Variants in GUCY1A2 observed in about 807,000 individuals in gnomAD.
The protein encoded by GUCY1A2 is guanylate cyclase soluble subunit alpha-2.
Under a neutral mutation model 63.5 loss-of-function variants are expected in GUCY1A2, and 27 were observed. That is an observed-to-expected ratio of 0.43 (90% CI 0.31 to 0.59). The LOEUF (loss-of-function observed/expected upper bound fraction) is 0.59, where lower values mean the gene tolerates loss of function less well. GUCY1A2 is among the 20% of genes least tolerant of loss of function. The pLI is 0.11. For missense variants in GUCY1A2, 768 were observed against 913.3 expected (o/e 0.84, Z 2.05); for synonymous variants, 364 against 343.5 (o/e 1.06, Z -0.66).
intron 4 of GUCY1A2, among the ~76,000 whole-genome samples, chr11:106,918,926 T>G (rs915781206): frequency 6.6e-6 from 1 of 152,174 alleles, no homozygotes; most frequent in African/African-American, 2.4e-5. Flanking sequence ...AATCTGATAT[T>G]TAACCTAAAT....
At chr11:106,745,981 A>G (rs1321082664) in intron 6 of GUCY1A2, among the ~76,000 whole-genome samples, 3 of 152,210 alleles carry the variant, frequency 2.0e-5, no homozygotes, top group Admixed American at 6.5e-5. Flanking sequence ...AGTATCTATT[A>G]TAGAAACAAA....
chr11:106,824,734 TA>T (rs1194928967), intron 4 of GUCY1A2: 1 of 1,432,664 alleles, frequency 7.0e-7, no homozygotes, highest in Non-Finnish European at 9.2e-7. Context: ...TTGAAATATT[TA>T]ATCTCATGAG....
intron 4 of GUCY1A2, among the ~76,000 whole-genome samples, chr11:106,867,353 T>C (rs977046255): frequency 6.6e-6 from 1 of 152,086 alleles, no homozygotes; most frequent in Non-Finnish European, 1.5e-5. Flanking sequence ...GTCTAGGAGA[T>C]AGACATACGT....
intron 6 of GUCY1A2, among the ~76,000 whole-genome samples, chr11:106,755,187 G>T (rs1043592749): frequency 6.6e-6 from 1 of 152,068 alleles, no homozygotes; most frequent in African/African-American, 2.4e-5. Context: ...TGTGGGATCG[G>T]TGGTGATATC....
intron 4 of GUCY1A2, among the ~76,000 whole-genome samples, chr11:106,824,529 A>C (rs578261541): frequency 3.3e-5 from 5 of 152,082 alleles, no homozygotes; most frequent in Non-Finnish European, 5.9e-5. Context: ...CACTGTTTTA[A>C]ACCAAATACT....
intron 4 of GUCY1A2, among the ~76,000 whole-genome samples, chr11:106,832,932 T>A (rs1859070367): frequency 6.6e-6 from 1 of 152,080 alleles, no homozygotes; most frequent in African/African-American, 2.4e-5. Context: ...TCTATATTAG[T>A]TTGCTAGGGC....
chr11:106,930,857 C>A (rs996679443), intron 4 of GUCY1A2, among the ~76,000 whole-genome samples: 1 of 152,180 alleles, frequency 6.6e-6, no homozygotes, highest in African/African-American at 2.4e-5. Flanking sequence ...AGGCGGATCA[C>A]GAGGTCAAGA....
chr11:106,710,317 A>G (rs1449905422), intron 6 of GUCY1A2, among the ~76,000 whole-genome samples: 312 of 16,058 alleles, frequency 0.019, 30 homozygotes, highest in Non-Finnish European at 0.022. Context: ...ATACATGTAT[A>G]TAATATAGTT....
chr11:106,746,598 G>C, intron 6 of GUCY1A2: 2 of 1,596,844 alleles, frequency 1.3e-6, no homozygotes, highest in Admixed American at 3.3e-5. Flanking sequence ...TCTGGAACCA[G>C]CTGGATGGAA....
intron 4 of GUCY1A2, among the ~76,000 whole-genome samples, chr11:106,935,849 C>CA (rs113637459): frequency 5.9e-4 from 63 of 107,328 alleles, no homozygotes; most frequent in East Asian, 7.5e-4. Flanking sequence ...ACTCCATCTC[C>CA]AAAAAAAAAA....
At chr11:106,946,408 C>T (rs538095714) in intron 3 of GUCY1A2, among the ~76,000 whole-genome samples, 71 of 152,070 alleles carry the variant, frequency 4.7e-4, no homozygotes, top group Non-Finnish European at 9.1e-4. Context: ...AATCATATAG[C>T]TCACGGATTA....
intron 1 of GUCY1A2, among the ~76,000 whole-genome samples, chr11:106,999,970 T>C (rs915087591): frequency 7.2e-5 from 11 of 152,164 alleles, no homozygotes; most frequent in Non-Finnish European, 1.3e-4. Flanking sequence ...AACCCAAGAA[T>C]GCAGCTGAAT....
intron 3 of GUCY1A2, among the ~76,000 whole-genome samples, 175 bp downstream of exon 3, chr11:106,978,444 A>G (rs1396552111): frequency 1.3e-5 from 2 of 152,170 alleles, no homozygotes; most frequent in Non-Finnish European, 2.9e-5. Context: ...GTGGCATGCA[A>G]GCAATTTCCA....
intron 4 of GUCY1A2, among the ~76,000 whole-genome samples, chr11:106,846,513 T>A (rs1261331030): frequency 3.3e-5 from 5 of 151,664 alleles, no homozygotes; most frequent in Non-Finnish European, 7.4e-5. Flanking sequence ...GAGGGTTAAA[T>A]ACTAACTTAA....
intron 5 of GUCY1A2, among the ~76,000 whole-genome samples, chr11:106,786,924 G>A (rs190531414): frequency 1.3e-5 from 2 of 152,102 alleles, no homozygotes; most frequent in East Asian, 3.9e-4. Context: ...AAGGATTTCT[G>A]ATTTACCAGA....
chr11:106,860,888 C>T (rs1859502083), intron 4 of GUCY1A2, among the ~76,000 whole-genome samples: 1 of 151,990 alleles, frequency 6.6e-6, no homozygotes, highest in Non-Finnish European at 1.5e-5. Context: ...CATCCCAACC[C>T]TCATTTCAGC....
At chr11:106,804,807 G>A (rs927170068) in intron 5 of GUCY1A2, among the ~76,000 whole-genome samples, 1 of 152,140 alleles carries the variant, frequency 6.6e-6, no homozygotes, top group African/African-American at 2.4e-5. Context: ...TCTGTCCAGG[G>A]AAAAGACTCT....
rs752170975 is a variant in GUCY1A2 at position 106,810,495 on chromosome 11, G to A, written c.1207-17C>T. On this transcript the variant is annotated splice_polypyrimidine_tract_variant and intron_variant, in intron 4 of 7. Coordinates refer to ENST00000526355, the MANE Select transcript of GUCY1A2 (RefSeq NM_000855.3). ...TTCCATCACCTGTGAAATTAACATGGAATTTTGATCAGTACTCTTCACATA... is the reference window on the plus strand; with the variant it reads ...TTCCATCACCTGTGAAATTAACATGAAATTTTGATCAGTACTCTTCACATA... 2 of 1,581,088 alleles carry A rather than the reference G, an allele frequency of 1.3e-6. No individual in the cohort carries two copies. The highest frequency in any genetic ancestry group is 1.1e-5 in the South Asian group (1 of 87,056).
Position 106,863,492 on chromosome 11 carries a change from G to T in GUCY1A2, c.1207-53014C>A, listed in dbSNP as rs186609046. On this transcript the variant is annotated intron_variant, in intron 4 of 7. Coordinates refer to ENST00000526355, the MANE Select transcript of GUCY1A2 (RefSeq NM_000855.3). ...CTGAGGCCTCTGTTCTGTTCCATTG[G>T]TCTATATATCTGTTTTGGTACCAGT... Among the ~76,000 whole-genome samples the T allele has an allele frequency of 9.9e-5, 15 of 152,162 alleles. No individual in the cohort carries two copies. The East Asian group carries it at 2.7e-3, about 27-fold the overall frequency.
Sources: allele counts gnomAD v4.1 joint callset (sites outside exome capture counted in the v4.1 genomes callset), GRCh38; gene constraint gnomAD v4.1.1; transcripts MANE v1.5; gene names NCBI Gene and HGNC (gene_info 2026-07-23, HGNC 2026-07-21).